Variants in SLC35F3 observed in about 807,000 individuals in gnomAD.
SLC35F3 encodes putative thiamine transporter SLC35F3.
Under a neutral mutation model 49.9 loss-of-function variants are expected in SLC35F3, and 25 were observed. That is an observed-to-expected ratio of 0.50 (90% CI 0.37 to 0.70). The LOEUF is 0.70. Among genes scored for constraint, SLC35F3 ranks in the 30% least tolerant of loss-of-function variants. The pLI is 0.00. For synonymous variants in SLC35F3, 275 were observed against 265.4 expected, an observed-to-expected ratio of 1.04 and a Z score of -0.35; for missense variants, 525 against 639.8, an observed-to-expected ratio of 0.82 and a Z score of 1.94.
At chr1:234,206,501 G>A (rs147474826) in intron 2 of SLC35F3, among the ~76,000 whole-genome samples, 2 of 135,730 alleles carry the variant, frequency 1.5e-5, no homozygotes, top group Non-Finnish European at 3.2e-5. Flanking sequence ...TATTTCCCGG[G>A]GGGGGGCTAT....
At chr1:234,195,949 G>A in intron 2 of SLC35F3, among the ~76,000 whole-genome samples, 1 of 152,040 alleles carries the variant, frequency 6.6e-6, no homozygotes, top group East Asian at 1.9e-4. Context: ...TGATTGTGAG[G>A]ACTCCCCAGC....
chr1:234,210,133 C>T (rs1247946319), intron 2 of SLC35F3, among the ~76,000 whole-genome samples: 1 of 152,140 alleles, frequency 6.6e-6, no homozygotes, highest in Non-Finnish European at 1.5e-5. Flanking sequence ...TTTCCCTGCA[C>T]AAGCTCTCTC....
At chr1:234,048,394 T>G (rs1185643204) in intron 2 of SLC35F3, among the ~76,000 whole-genome samples, 1 of 152,102 alleles carries the variant, frequency 6.6e-6, no homozygotes, top group African/African-American at 2.4e-5. Flanking sequence ...AAGCCAGGGA[T>G]AGAGATGAGA....
intron 2 of SLC35F3, among the ~76,000 whole-genome samples, chr1:234,176,405 C>T (rs555984166): frequency 1.3e-5 from 2 of 152,168 alleles, no homozygotes; most frequent in Admixed American, 6.5e-5. Context: ...ATCTTTGATG[C>T]GATGCTGTGA....
At chr1:233,926,919 G>T (rs1236712308) in intron 2 of SLC35F3, among the ~76,000 whole-genome samples, 2 of 152,156 alleles carry the variant, frequency 1.3e-5, no homozygotes, top group South Asian at 2.1e-4. Flanking sequence ...GTTGGAGTTT[G>T]CTGGGGGTTC....
intron 4 of SLC35F3, among the ~76,000 whole-genome samples, chr1:234,315,640 T>C (rs1335677303): frequency 1.3e-5 from 2 of 152,228 alleles, no homozygotes; most frequent in Non-Finnish European, 2.9e-5. Context: ...CTTAGCTATT[T>C]GATATTGTTT....
chr1:234,071,177 A>G (rs1241486387), intron 2 of SLC35F3, among the ~76,000 whole-genome samples: 1 of 152,262 alleles, frequency 6.6e-6, no homozygotes, highest in African/African-American at 2.4e-5. Context: ...TCAAGAATCT[A>G]TCAATAATAT....
intron 3 of SLC35F3, among the ~76,000 whole-genome samples, chr1:234,276,345 C>T (rs1432835458): frequency 6.6e-6 from 1 of 152,110 alleles, no homozygotes; most frequent in African/African-American, 2.4e-5. Flanking sequence ...ACTCATTCAC[C>T]AGAATCTGTG....
At chr1:234,253,024 T>C (rs1296666579) in intron 3 of SLC35F3, among the ~76,000 whole-genome samples, 4 of 152,206 alleles carry the variant, frequency 2.6e-5, no homozygotes, top group Non-Finnish European at 5.9e-5. Flanking sequence ...ATACAACCTT[T>C]GGTAGAATGC....
chr1:234,077,338 G>A (rs940183959), intron 2 of SLC35F3, among the ~76,000 whole-genome samples: 1 of 152,368 alleles, frequency 6.6e-6, no homozygotes, highest in African/African-American at 2.4e-5. Flanking sequence ...AGTTCAACAT[G>A]TCTGGAGAGG....
chr1:234,309,080 G>T (rs994289024), intron 3 of SLC35F3, 21 bp from the exon 4 acceptor site: 16 of 1,601,906 alleles, frequency 1.0e-5, no homozygotes, highest in Non-Finnish European at 1.3e-5. Context: ...TAATAACGAT[G>T]CCTCTCTTTC....
At chr1:234,151,238 G>T (rs1043560641) in intron 2 of SLC35F3, among the ~76,000 whole-genome samples, 27 of 149,170 alleles carry the variant, frequency 1.8e-4, no homozygotes, top group African/African-American at 6.4e-4. Flanking sequence ...AAAGCAAGCT[G>T]CCATTTACAT....
At chr1:233,964,288 C>G (rs1207049575) in intron 2 of SLC35F3, among the ~76,000 whole-genome samples, 1 of 152,170 alleles carries the variant, frequency 6.6e-6, no homozygotes, top group African/African-American at 2.4e-5. Flanking sequence ...GAGGCGTGCT[C>G]AAAATGCACA....
chr1:234,117,590 TA>T (rs34058556), intron 2 of SLC35F3, among the ~76,000 whole-genome samples: 27,453 of 135,860 alleles, frequency 0.2, 3,091 homozygotes, highest in Non-Finnish European at 0.28. Context: ...AGACCCTGTC[TA>T]AAAAAAAAAA....
chr1:234,313,663 C>T (rs1283253761), intron 4 of SLC35F3, among the ~76,000 whole-genome samples: 3 of 151,982 alleles, frequency 2.0e-5, no homozygotes, highest in Non-Finnish European at 2.9e-5. Flanking sequence ...AGGGGAGCTC[C>T]GTTGTCATGA....
rs1258514182 is a variant in SLC35F3 at position 233,905,233 on chromosome 1, G to T, written c.53+103G>T. On this transcript the variant is annotated intron_variant, in intron 1 of 7. Coordinates refer to ENST00000366618, the MANE Select transcript of SLC35F3 (RefSeq NM_173508.4). The stretch of plus-strand genomic sequence containing the variant: ...GACACTGGGCAGTCTGAGGCTCGGG[G>T]AAGGGCGGCGCGCGCGGTGGAGCTG... 2.4e-6 allele frequency: 3 copies of T among 1,274,812 alleles called. No individual in the cohort carries two copies. In the Admixed American group the frequency reaches 6.1e-5, roughly 26 times the overall value. 79.0% of individuals were successfully genotyped at this position (1,274,812 alleles called of 1,614,324 possible). A position where few individuals can be genotyped will look rare whatever the true frequency, so the allele number is the denominator to read the frequency against.
intron 2 of SLC35F3, among the ~76,000 whole-genome samples, chr1:233,981,082 T>C (rs1170992402): frequency 1.3e-5 from 2 of 152,236 alleles, no homozygotes; most frequent in African/African-American, 4.8e-5. Context: ...CAGAAAGAGA[T>C]ACTGTGTATG....
chr1:234,102,336 G>GGTGTGTGTGTGTTTGA (rs1287604607), intron 2 of SLC35F3, among the ~76,000 whole-genome samples: 1 of 151,982 alleles, frequency 6.6e-6, no homozygotes, highest in Admixed American at 6.6e-5. Flanking sequence ...TTTTTGGGGA[G>GGTGTGTGTGTGTTTGA]GTGTGTGTGT....
At chr1:234,202,319 C>T (rs1329790391) in intron 2 of SLC35F3, among the ~76,000 whole-genome samples, 1 of 152,028 alleles carries the variant, frequency 6.6e-6, no homozygotes, top group Admixed American at 6.5e-5. Context: ...TGCAAATGCT[C>T]AGGGCCATGT....
Sources: gnomAD v4.1 joint callset for allele counts (sites outside exome capture counted in the v4.1 genomes callset) on GRCh38, gnomAD v4.1.1 for gene constraint, MANE v1.5 for transcripts, NCBI Gene and HGNC (gene_info 2026-07-23, HGNC 2026-07-21) for gene names.